The following PTK2 variants were observed in gnomAD, a reference collection of about 807,000 sequenced individuals.
PTK2 encodes the protein protein tyrosine kinase 2.
Under a neutral mutation model 150.1 loss-of-function variants are expected in PTK2, and 45 were observed. The observed-to-expected ratio is 0.30, with a 90% CI of 0.24 to 0.38. PTK2 has a LOEUF of 0.38. PTK2 is among the 10% of genes least tolerant of loss of function. The pLI is 1.00. For missense variants in PTK2, 919 were observed against 1,307.3 expected (o/e 0.70, Z 4.58); for synonymous variants, 432 against 449.2 (o/e 0.96, Z 0.48).
In PTK2 at chr8:140,735,235, T is replaced by C; in HGVS notation, c.2030+16A>G. On this transcript the variant is annotated intron_variant, in intron 22 of 31. Transcript: ENST00000522684. ...TCTGCCCCCACCCCCAGGCCCTCTC[T>C]CCCGCCAACTCCTACCTGAGCTGAG... 2 of 1,611,332 alleles carry C rather than the reference T, an allele frequency of 1.2e-6. No homozygotes were observed. The highest frequency in any genetic ancestry group is 1.7e-6 in the Non-Finnish European group (2 of 1,178,280).
chr8:140,901,319 T>G (rs2100158350), intron 2 of PTK2, among the ~76,000 whole-genome samples: 1 of 152,180 alleles, frequency 6.6e-6, no homozygotes, highest in African/African-American at 2.4e-5. Flanking sequence ...ATGGAATTAC[T>G]GTAAGAAAAT....
intron 27 of PTK2, among the ~76,000 whole-genome samples, chr8:140,682,252 C>T (rs557801978): frequency 6.2e-4 from 94 of 152,124 alleles, no homozygotes; most frequent in African/African-American, 1.9e-3. Context: ...CGTGGTGGCA[C>T]GTGCCTGTAG....
intron 16 of PTK2, among the ~76,000 whole-genome samples, chr8:140,755,638 T>C (rs767750555): frequency 2.6e-5 from 4 of 152,214 alleles, no homozygotes; most frequent in Non-Finnish European, 4.4e-5. Flanking sequence ...TTTCCATGCA[T>C]TGTTTTTCTC....
chr8:140,695,084 C>G (rs1276959696), intron 26 of PTK2, among the ~76,000 whole-genome samples: 1 of 152,224 alleles, frequency 6.6e-6, no homozygotes, highest in Non-Finnish European at 1.5e-5. Context: ...ATTTGCATAT[C>G]CCAAATGTCC....
chr8:140,853,973 T>C (rs1356863071), intron 5 of PTK2, among the ~76,000 whole-genome samples: 1 of 152,114 alleles, frequency 6.6e-6, no homozygotes, highest in African/African-American at 2.4e-5. Context: ...GACACAATTA[T>C]CTGAAAACTT....
chr8:140,711,615 A>T (rs981440096), intron 23 of PTK2, among the ~76,000 whole-genome samples: 2 of 152,174 alleles, frequency 1.3e-5, no homozygotes, highest in African/African-American at 4.8e-5. Context: ...GTTTCATTTA[A>T]ACTTTACCAA....
intron 1 of PTK2, among the ~76,000 whole-genome samples, chr8:140,988,076 C>T (rs1047542357): frequency 6.6e-6 from 1 of 151,566 alleles, no homozygotes; most frequent in South Asian, 2.1e-4. Context: ...TAAACATACA[C>T]CTACCATATG....
At chr8:140,808,838 C>T (rs1384006150) in intron 10 of PTK2, among the ~76,000 whole-genome samples, 1 of 147,800 alleles carries the variant, frequency 6.8e-6, no homozygotes, top group Non-Finnish European at 1.5e-5. Context: ...CGGGTTCAAG[C>T]GATTCTCCTG....
intron 14 of PTK2, among the ~76,000 whole-genome samples, chr8:140,770,428 A>G (rs1000665749): frequency 3.3e-5 from 5 of 152,168 alleles, no homozygotes; most frequent in Non-Finnish European, 7.3e-5. Context: ...AAAACACTCA[A>G]ACAACACAAA....
chr8:140,697,533 C>T (rs2100027489), intron 26 of PTK2, among the ~76,000 whole-genome samples: 2 of 151,802 alleles, frequency 1.3e-5, no homozygotes, highest in South Asian at 4.2e-4. Flanking sequence ...CTCCGCCTCC[C>T]GGGTTCAAAC....
intron 5 of PTK2, among the ~76,000 whole-genome samples, chr8:140,853,731 G>C (rs2100130823): frequency 1.3e-5 from 2 of 152,158 alleles, no homozygotes; most frequent in Admixed American, 1.3e-4. Context: ...AGTGAAAAAG[G>C]GAGAAGAAAT....
rs1165414715 is a variant in PTK2 at position 140,976,939 on chromosome 8, ACAATC to A, written c.-122+24181_-122+24185del. On this transcript the variant is annotated intron_variant, in intron 1 of 31. Transcript: ENST00000522684. ...AACATACAGAACACATTTTCTGACT[ACAATC>A]CAATTCTAGAAATGTCACAAGATAC... Among the ~76,000 whole-genome samples the A allele has an allele frequency of 5.3e-5, 8 of 152,380 alleles. No individual in the cohort carries two copies. The East Asian group carries it at 1.2e-3, about 22-fold the overall frequency.
intron 27 of PTK2, among the ~76,000 whole-genome samples, chr8:140,684,133 C>G (rs1342632217): frequency 6.6e-6 from 1 of 152,152 alleles, no homozygotes; most frequent in Non-Finnish European, 1.5e-5. Flanking sequence ...CCCAAAAGCT[C>G]CTAGATCTGA....
intron 2 of PTK2, among the ~76,000 whole-genome samples, chr8:140,912,054 G>A (rs1374349577): frequency 1.3e-5 from 2 of 151,918 alleles, no homozygotes; most frequent in African/African-American, 4.8e-5. Context: ...GCAACAAAAC[G>A]AGACCTTGGC....
chr8:140,855,126 C>G (rs185983517), intron 5 of PTK2, among the ~76,000 whole-genome samples: 1 of 152,218 alleles, frequency 6.6e-6, no homozygotes, highest in East Asian at 1.9e-4. Context: ...GCTGAGATTC[C>G]AGGCATGAGC....
At chr8:140,868,264 C>G (rs2100140510) in intron 4 of PTK2, among the ~76,000 whole-genome samples, 1 of 152,088 alleles carries the variant, frequency 6.6e-6, no homozygotes, top group Non-Finnish European at 1.5e-5. Flanking sequence ...GTGAAGTAAA[C>G]AAAGCATTAA....
At chr8:140,666,536 G>A (rs1445110490) in intron 30 of PTK2, among the ~76,000 whole-genome samples, 1 of 151,952 alleles carries the variant, frequency 6.6e-6, no homozygotes, top group Non-Finnish European at 1.5e-5. Context: ...ATCACACTTA[G>A]ATACACTTCA....
At chr8:140,897,118 A>G (rs11783743) in intron 2 of PTK2, among the ~76,000 whole-genome samples, 62,306 of 152,006 alleles carry the variant, frequency 0.41, 14,852 homozygotes, top group Non-Finnish European at 0.54. Flanking sequence ...CAATGAAAAA[A>G]CACTACTTGG....
At chr8:140,847,697 C>T (rs2100126448) in intron 5 of PTK2, among the ~76,000 whole-genome samples, 1 of 152,204 alleles carries the variant, frequency 6.6e-6, no homozygotes, top group African/African-American at 2.4e-5. Flanking sequence ...TCTGTACTTT[C>T]ATAATACCCT....
Sources: allele counts gnomAD v4.1 joint callset (sites outside exome capture counted in the v4.1 genomes callset), GRCh38; gene constraint gnomAD v4.1.1; transcripts MANE v1.5; gene names NCBI Gene and HGNC (gene_info 2026-07-23, HGNC 2026-07-21).